SLC35F6: variants seen among roughly 807,000 people sequenced by gnomAD.
SLC35F6 encodes ANT2-binding protein.
Under a neutral mutation model 29.4 loss-of-function variants are expected in SLC35F6, and 26 were observed. That is an observed-to-expected ratio of 0.89 (90% CI 0.65 to 1.23). The LOEUF (loss-of-function observed/expected upper bound fraction) is 1.23. SLC35F6 is among the 50% of genes most tolerant of loss of function. The pLI, the probability that SLC35F6 is intolerant of heterozygous loss-of-function variation, is 0.00. For synonymous variants in SLC35F6, 174 were observed against 206.6 expected (o/e 0.84, Z 1.35); for missense variants, 428 against 487.8 (o/e 0.88, Z 1.15).
chr2:26,764,802 G>A (rs575838664), intron 1 of SLC35F6: 8 of 985,394 alleles, frequency 8.1e-6, no homozygotes, highest in African/African-American at 1.7e-5. Flanking sequence ...TAGTGGCTGT[G>A]CAGGCCGAGT....
Position 26,775,528 on chromosome 2 carries a change from C to T in SLC35F6, c.387C>T (p.Gly129=). The T allele has an allele frequency of 1.2e-6, 2 of 1,611,628 alleles. No individual in the cohort carries two copies. Among genetic ancestry groups the T allele is most frequent in the East Asian group, 4.5e-5 (2 of 44,876 alleles). The change falls in exon 4 of 6, where the codon GGC becomes GGT. Residue 129 remains glycine, a synonymous_variant. Transcript: ENST00000344420. The surrounding 1 kb of genome is among the most constrained non-coding windows in gnomAD (Gnocchi z 4.6). ...GGGGTGCAGTGATCATATTCACTGG[C>T]CTGTTCTCGGTGGCCTTCCTGGGCC... ...MLRGAVIIFT[G]LFSVAFLGRR... is the part of the protein sequence containing the mutation.
At chr2:26,771,869 A>T (rs1664202632) in intron 1 of SLC35F6, among the ~76,000 whole-genome samples, 1 of 151,452 alleles carries the variant, frequency 6.6e-6, no homozygotes, top group Admixed American at 6.6e-5. Context: ...CCTGGGGTGG[A>T]GGCTTCCCCA....
chr2:26,773,451 C>T (rs1156900605), intron 1 of SLC35F6, among the ~76,000 whole-genome samples: 1 of 143,140 alleles, frequency 7.0e-6, no homozygotes, highest in Non-Finnish European at 1.5e-5. Flanking sequence ...TGCAGTGAGC[C>T]GAGATCTTGC....
At chr2:26,772,034 A>G (rs1332766108) in intron 1 of SLC35F6, among the ~76,000 whole-genome samples, 1 of 152,188 alleles carries the variant, frequency 6.6e-6, no homozygotes, top group Non-Finnish European at 1.5e-5. Context: ...TGCCCCTGCC[A>G]TTCCCAAGAA....
rs1196362868 is a variant in SLC35F6, at chr2:26,775,336, G to A, written c.322+121G>A. ...CCCACCATTCCCCCAGACTTCACAC[G>A]CACAGGCACACAGGCAGGACTGATC... On this transcript the variant is annotated intron_variant, in intron 3 of 5. Transcript: ENST00000344420. The surrounding 1 kb of genome is among the most constrained non-coding windows in gnomAD (Gnocchi z 4.6). 1.5e-5 allele frequency: 23 copies of A among 1,515,036 alleles called. No homozygotes were observed. In the East Asian group the frequency reaches 1.6e-4, roughly 11 times the overall value. The allele number at this position is 1,515,036 out of a possible 1,614,324, so 93.8% of individuals were successfully genotyped here.
In SLC35F6 at chr2:26,774,244, C is replaced by G; in HGVS notation, c.78-7C>G. The G allele has an allele frequency of 6.2e-7, 1 of 1,614,096 alleles. No individual in the cohort carries two copies. The highest frequency in any genetic ancestry group is 8.5e-7 in the Non-Finnish European group (1 of 1,179,972). On this transcript the variant is annotated splice_polypyrimidine_tract_variant and splice_region_variant and intron_variant, in intron 1 of 5. Coordinates refer to ENST00000344420, the MANE Select transcript of SLC35F6 (RefSeq NM_017877.4). ...ACAGGGTCTGACCTTCCCTCTCTCT[C>G]CTACAGATGGGCGGACAATTTCATG... is the stretch of plus-strand genomic sequence containing the variant.
chr2:26,773,588 G>T (rs1001914356), intron 1 of SLC35F6, among the ~76,000 whole-genome samples: 1 of 149,188 alleles, frequency 6.7e-6, no homozygotes, highest in African/African-American at 2.5e-5. Flanking sequence ...AAGCAAATTC[G>T]TGATATAGAA....
chr2:26,774,492 A>T (rs551218184), intron 2 of SLC35F6, among the ~76,000 whole-genome samples, 169 bp downstream of exon 2: 10 of 152,334 alleles, frequency 6.6e-5, no homozygotes, highest in Admixed American at 5.9e-4. Context: ...CAAGGTTTAG[A>T]ATAGGGCAAA....
intron 1 of SLC35F6, among the ~76,000 whole-genome samples, chr2:26,766,135 C>T (rs1419782594): frequency 1.3e-5 from 2 of 152,168 alleles, no homozygotes; most frequent in African/African-American, 2.4e-5. Context: ...GGTCCTGTCC[C>T]CTGCCTGACA....
intron 1 of SLC35F6, among the ~76,000 whole-genome samples, chr2:26,772,211 G>T (rs1407136341): frequency 6.6e-6 from 1 of 152,168 alleles, no homozygotes; most frequent in East Asian, 1.9e-4. Flanking sequence ...CCTAACTGCG[G>T]CACAACCAGT....
At chr2:26,766,664 A>G (rs969083757) in intron 1 of SLC35F6, among the ~76,000 whole-genome samples, 4 of 152,162 alleles carry the variant, frequency 2.6e-5, no homozygotes, top group South Asian at 2.1e-4. Context: ...ACAGACAAGC[A>G]TGTGCTGACA....
Position 26,764,296 on chromosome 2 carries a change from C to A in SLC35F6, c.-54C>A. ...CCCGGAAGCGCTCGCGCAGGAGACCCCGGGTGACGGGGCCCGGCGCCGCTA... is the reference window on the plus strand; with the variant it reads ...CCCGGAAGCGCTCGCGCAGGAGACCACGGGTGACGGGGCCCGGCGCCGCTA... On this transcript the variant is annotated 5_prime_UTR_variant, in exon 1 of 6. Transcript: ENST00000344420. 1.3e-6 allele frequency: 2 copies of A among 1,543,448 alleles called. No individual in the cohort carries two copies. The highest frequency in any genetic ancestry group is 1.7e-6 in the Non-Finnish European group (2 of 1,143,112).
In SLC35F6 at chr2:26,778,824, T is replaced by C. The variant is rs1340863639; in HGVS notation, c.*313T>C. On this transcript the variant is annotated 3_prime_UTR_variant, in exon 6 of 6. Transcript: ENST00000344420. ...TGTAGGAATTTACCACCGTAGTGTA[T>C]CTGAATCATAAACTAGATTATCATA... is the stretch of plus-strand genomic sequence containing the variant. 5.4e-6 allele frequency: 2 copies of C among 372,042 alleles called. No homozygotes were observed. Among genetic ancestry groups the C allele is most frequent in the Non-Finnish European group, 9.7e-6 (2 of 206,778 alleles). 23.0% of individuals were successfully genotyped at this position (372,042 alleles called of 1,614,324 possible).
At position 26,779,406 on chromosome 2, in the gene SLC35F6, C is replaced by G. The variant is rs1302574146; in HGVS notation, c.*895C>G. On this transcript the variant is annotated 3_prime_UTR_variant, in exon 6 of 6. Coordinates refer to ENST00000344420, the MANE Select transcript of SLC35F6 (RefSeq NM_017877.4). ...GATGTTGATGCTGTGGCCTTAGTGC[C>G]TTCTGGCCCCAGCATTCCATGGGCC... 6.6e-6 allele frequency: 1 copy of G among 152,224 alleles called. No individual in the cohort carries two copies. The highest frequency in any genetic ancestry group is 2.4e-5 in the African/African-American group (1 of 41,458). 9.4% of individuals were successfully genotyped at this position (152,224 alleles called of 1,614,324 possible). A position where few individuals can be genotyped will look rare whatever the true frequency, so the allele number is the denominator to read the frequency against.
chr2:26,772,083 C>T (rs1262904929), intron 1 of SLC35F6, among the ~76,000 whole-genome samples: 1 of 152,360 alleles, frequency 6.6e-6, no homozygotes, highest in South Asian at 2.1e-4. Flanking sequence ...CTCCACATCT[C>T]CAGGAGCTGG....
At chr2:26,772,197 A>C (rs1664209282) in intron 1 of SLC35F6, among the ~76,000 whole-genome samples, 1 of 152,196 alleles carries the variant, frequency 6.6e-6, no homozygotes, top group African/African-American at 2.4e-5. Context: ...TGTCAAACCT[A>C]GACCCTAACT....
At chr2:26,767,153 G>C (rs376259278) in intron 1 of SLC35F6, among the ~76,000 whole-genome samples, 30 of 152,276 alleles carry the variant, frequency 2.0e-4, no homozygotes, top group East Asian at 1.5e-3. Context: ...CTCCTTCCTG[G>C]GAGTTTCCTC....
intron 2 of SLC35F6, 80 bp from the exon 3 acceptor site, chr2:26,774,964 G>GT (rs1572633892): frequency 6.9e-7 from 1 of 1,456,854 alleles, no homozygotes; most frequent in African/African-American, 1.4e-5. Flanking sequence ...TTTGACAAAA[G>GT]TTTGCATTAA....
Position 26,764,292 on chromosome 2 carries a change from G to A in SLC35F6, c.-58G>A, listed in dbSNP as rs1335917562. 1.3e-6 allele frequency: 2 copies of A among 1,540,736 alleles called. No homozygotes were observed. Among genetic ancestry groups the A allele is most frequent in the East Asian group, 4.9e-5 (2 of 40,462 alleles). On this transcript the variant is annotated 5_prime_UTR_variant, in exon 1 of 6. Transcript: ENST00000344420. ...CCGGCCCGGAAGCGCTCGCGCAGGA[G>A]ACCCCGGGTGACGGGGCCCGGCGCC...
Sources: allele counts gnomAD v4.1 joint callset (sites outside exome capture counted in the v4.1 genomes callset), GRCh38; gene constraint gnomAD v4.1.1; non-coding constraint Gnocchi (gnomAD v3.1); transcripts MANE v1.5; gene names NCBI Gene and HGNC (gene_info 2026-07-23, HGNC 2026-07-21).